Variants in SCFD2 observed in about 807,000 individuals in gnomAD.
SCFD2 encodes sec1 family domain-containing protein 2.
SCFD2 carries 54 observed loss-of-function variants against 58.9 expected under a neutral mutation model. The ratio of observed to expected loss-of-function variants is 0.92; its 90% CI spans 0.74 to 1.15. SCFD2 has a LOEUF of 1.15. SCFD2 is among the 50% of genes most tolerant of loss of function. The pLI is 0.00. For missense variants in SCFD2, 805 were observed against 836.6 expected (o/e 0.96, Z 0.47); for synonymous variants, 321 against 335.9 (o/e 0.96, Z 0.49).
intron 4 of SCFD2, among the ~76,000 whole-genome samples, chr4:53,223,568 C>A (rs1408459245): frequency 6.6e-6 from 1 of 152,240 alleles, no homozygotes; most frequent in Non-Finnish European, 1.5e-5. Flanking sequence ...TCTTGCATGT[C>A]TTTCCCGTCC....
At chr4:53,293,792 T>C (rs1290866769) in intron 3 of SCFD2, among the ~76,000 whole-genome samples, 1 of 152,144 alleles carries the variant, frequency 6.6e-6, no homozygotes, top group Non-Finnish European at 1.5e-5. Context: ...GCAGGTTTGT[T>C]ACATAGGTAT....
intron 4 of SCFD2, among the ~76,000 whole-genome samples, chr4:53,177,412 A>T (rs769688390): frequency 2.1e-5 from 3 of 145,106 alleles, no homozygotes; most frequent in Non-Finnish European, 4.5e-5. Context: ...GGTTAGGAGA[A>T]GGGAGAGGGT....
intron 2 of SCFD2, among the ~76,000 whole-genome samples, chr4:53,340,644 G>A (rs1733837415): frequency 1.3e-5 from 2 of 152,238 alleles, no homozygotes; most frequent in South Asian, 4.1e-4. Context: ...TGAGATCTGA[G>A]AACGGGCAGA....
intron 5 of SCFD2, among the ~76,000 whole-genome samples, chr4:52,996,846 C>T (rs1721751711): frequency 1.3e-5 from 2 of 152,136 alleles, no homozygotes; most frequent in Admixed American, 1.3e-4. Flanking sequence ...AGGATCAACC[C>T]AAGAGAAGGA....
At chr4:53,022,435 T>C (rs1285536452) in intron 5 of SCFD2, among the ~76,000 whole-genome samples, 1 of 152,210 alleles carries the variant, frequency 6.6e-6, no homozygotes, top group Non-Finnish European at 1.5e-5. Context: ...TATTCCTTTT[T>C]GCTTGCTTGG....
rs540872558 is a variant in SCFD2, at chr4:53,163,665, G to A, written c.1312-18083C>T. Among the ~76,000 whole-genome samples, 12 of 152,284 alleles carry A rather than the reference G, an allele frequency of 7.9e-5. No homozygotes were observed. In the South Asian group the frequency reaches 2.5e-3, roughly 32 times the overall value. ...GAATTGCTTGAATCCAGGAGGTGGA[G>A]GGTGTAGGGAGTCAAGATCACACCA... On this transcript the variant is annotated intron_variant, in intron 4 of 8. Coordinates refer to ENST00000401642, the MANE Select transcript of SCFD2 (RefSeq NM_152540.4).
At chr4:53,006,556 C>T (rs1359723055) in intron 5 of SCFD2, among the ~76,000 whole-genome samples, 5 of 152,198 alleles carry the variant, frequency 3.3e-5, no homozygotes, top group African/African-American at 1.2e-4. Flanking sequence ...GCTGAGTTAC[C>T]TAAGTTATTA....
chr4:53,329,442 C>A (rs1237704343), intron 2 of SCFD2, among the ~76,000 whole-genome samples: 2 of 151,692 alleles, frequency 1.3e-5, no homozygotes, highest in African/African-American at 2.4e-5. Context: ...TGACCCCTGA[C>A]CCCCGAGCAG....
chr4:53,052,637 A>G (rs1723215880), intron 5 of SCFD2, among the ~76,000 whole-genome samples: 1 of 152,226 alleles, frequency 6.6e-6, no homozygotes, highest in Non-Finnish European at 1.5e-5. Flanking sequence ...TCTTCAACTT[A>G]AACCCCAAAT....
intron 6 of SCFD2, among the ~76,000 whole-genome samples, chr4:52,913,790 TGAGA>T (rs1196791373): frequency 6.6e-6 from 1 of 152,064 alleles, no homozygotes; most frequent in African/African-American, 2.4e-5. Context: ...AGATGATGAA[TGAGA>T]GAGAGAGTAT....
intron 5 of SCFD2, among the ~76,000 whole-genome samples, chr4:52,987,064 C>T (rs924528653): frequency 6.6e-6 from 1 of 152,104 alleles, no homozygotes; most frequent in African/African-American, 2.4e-5. Context: ...GAGTCTCGCT[C>T]CGTCGCCCAG....
At chr4:53,274,437 G>A (rs959385751) in intron 3 of SCFD2, among the ~76,000 whole-genome samples, 4 of 152,102 alleles carry the variant, frequency 2.6e-5, no homozygotes, top group African/African-American at 9.7e-5. Context: ...ATGAGAAATA[G>A]ATTATTTCTC....
chr4:53,351,325 T>G (rs919270825), intron 2 of SCFD2, among the ~76,000 whole-genome samples: 10 of 152,278 alleles, frequency 6.6e-5, no homozygotes, highest in Admixed American at 5.9e-4. Context: ...TCTAAGTCAT[T>G]CAAGACATAA....
At chr4:53,236,197 A>G (rs753938199) in intron 4 of SCFD2, among the ~76,000 whole-genome samples, 21 of 152,010 alleles carry the variant, frequency 1.4e-4, no homozygotes, top group Non-Finnish European at 3.1e-4. Flanking sequence ...AAAAATAGAG[A>G]CGGGCCTAGC....
intron 3 of SCFD2, among the ~76,000 whole-genome samples, chr4:53,280,452 G>A (rs1731474836): frequency 6.6e-6 from 1 of 151,988 alleles, no homozygotes; most frequent in South Asian, 2.1e-4. Context: ...GGAGACAGAG[G>A]TTGCAGTGAG....
chr4:53,299,731 A>G (rs1422267585), intron 3 of SCFD2, among the ~76,000 whole-genome samples: 1 of 152,370 alleles, frequency 6.6e-6, no homozygotes, highest in African/African-American at 2.4e-5. Flanking sequence ...GAAGCCCATC[A>G]GACTAAGAGC....
chr4:53,310,682 T>C (rs955514165), intron 3 of SCFD2, among the ~76,000 whole-genome samples: 2 of 152,212 alleles, frequency 1.3e-5, no homozygotes, highest in African/African-American at 4.8e-5. Flanking sequence ...TGTTTATATG[T>C]GCAATAATAA....
chr4:53,242,866 A>G (rs921725091), intron 4 of SCFD2, among the ~76,000 whole-genome samples: 2 of 152,260 alleles, frequency 1.3e-5, no homozygotes, highest in African/African-American at 4.8e-5. Context: ...GACTATAACA[A>G]GTTGAGGAAA....
intron 5 of SCFD2, among the ~76,000 whole-genome samples, chr4:53,135,298 C>T (rs539282434): frequency 1.3e-5 from 2 of 152,228 alleles, no homozygotes; most frequent in South Asian, 2.1e-4. Context: ...GAATTCTGTC[C>T]CCCAATAAGA....
Sources: allele counts gnomAD v4.1 joint callset (sites outside exome capture counted in the v4.1 genomes callset), GRCh38; gene constraint gnomAD v4.1.1; transcripts MANE v1.5; gene names NCBI Gene and HGNC (gene_info 2026-07-23, HGNC 2026-07-21).